ODAD2: variants seen among roughly 807,000 people sequenced by gnomAD.
The protein encoded by ODAD2 is outer dynein arm docking complex subunit 2, also known as outer dynein arm-docking complex subunit 2.
Under a neutral mutation model 106.8 loss-of-function variants are expected in ODAD2, and 89 were observed. The observed-to-expected ratio is 0.83, with a 90% CI of 0.70 to 0.99. The LOEUF is 0.99. Among genes scored for constraint, ODAD2 ranks in the 50% least tolerant of loss-of-function variants. ODAD2 has a pLI of 0.00. For missense variants in ODAD2, 1,168 were observed against 1,238.5 expected (o/e 0.94, Z 0.85); for synonymous variants, 404 against 436.2 (o/e 0.93, Z 0.92).
At chr10:27,979,912 C>T (rs34944477) in intron 7 of ODAD2, among the ~76,000 whole-genome samples, 35,917 of 151,886 alleles carry the variant, frequency 0.24, 4,364 homozygotes, top group Middle Eastern at 0.3. Context: ...CAAAACAGTA[C>T]TAAAAAACAA....
At chr10:27,975,124 T>A (rs1467358551) in intron 7 of ODAD2, among the ~76,000 whole-genome samples, 1 of 152,204 alleles carries the variant, frequency 6.6e-6, no homozygotes. Context: ...TGAAGTTGTT[T>A]ACCAGCTAAA....
chr10:27,897,880 G>A (rs1842955857), intron 17 of ODAD2, among the ~76,000 whole-genome samples: 1 of 152,034 alleles, frequency 6.6e-6, no homozygotes, highest in South Asian at 2.1e-4. Flanking sequence ...ATCTAGTTTA[G>A]ACCTTGGGGC....
intron 16 of ODAD2, among the ~76,000 whole-genome samples, chr10:27,928,594 T>C (rs1008535171): frequency 6.6e-6 from 1 of 152,164 alleles, no homozygotes; most frequent in African/African-American, 2.4e-5. Context: ...GGTGAGAGTT[T>C]AATGCGAATT....
intron 17 of ODAD2, among the ~76,000 whole-genome samples, chr10:27,863,987 T>C (rs1014696749): frequency 2.0e-5 from 3 of 152,126 alleles, no homozygotes; most frequent in Non-Finnish European, 4.4e-5. Context: ...GGAAAGCCCC[T>C]GAAGAGGCTG....
chr10:27,972,778 C>T (rs61344519), intron 7 of ODAD2, among the ~76,000 whole-genome samples: 5,122 of 151,942 alleles, frequency 0.034, 317 homozygotes, highest in African/African-American at 0.12. Flanking sequence ...AAACACAGAG[C>T]TAAAAGGAAA....
intron 1 of ODAD2, 93 bp from the exon 2 acceptor site, chr10:27,995,273 C>T (rs764634312): frequency 3.5e-5 from 45 of 1,284,182 alleles, no homozygotes; most frequent in Non-Finnish European, 4.6e-5. Context: ...TACTCCCCAT[C>T]CCACATTCTG....
At chr10:27,843,635 G>C (rs1166317431) in intron 19 of ODAD2, among the ~76,000 whole-genome samples, 2 of 152,100 alleles carry the variant, frequency 1.3e-5, no homozygotes, top group Non-Finnish European at 2.9e-5. Flanking sequence ...GGGTGTGGTG[G>C]CATGTGCCTG....
chr10:27,945,368 T>A (rs1219122830), intron 10 of ODAD2, among the ~76,000 whole-genome samples: 3 of 152,134 alleles, frequency 2.0e-5, no homozygotes, highest in Non-Finnish European at 4.4e-5. Flanking sequence ...CAGTCCGGAA[T>A]AGGGAGAACT....
intron 12 of ODAD2, among the ~76,000 whole-genome samples, chr10:27,941,596 G>GTTTTTTT (rs371752746): frequency 0.024 from 2,794 of 114,822 alleles, 100 homozygotes; most frequent in Non-Finnish European, 0.038. Context: ...CCAGCATCCA[G>GTTTTTTT]TTTTTTTTTT....
At position 27,990,221 on chromosome 10, in the gene ODAD2, C is replaced by G. The variant is rs1158509236; in HGVS notation, c.225-2678G>C. 2.0e-5 allele frequency among the ~76,000 whole-genome samples: 3 copies of G among 152,124 alleles called. No homozygotes were observed. In the East Asian group the frequency reaches 5.8e-4, roughly 29 times the overall value. ...GGAGTGCAGTGGCACAATCATAGCT[C>G]TCTGCAGCCTCGAACTCCTGGGCTC... On this transcript the variant is annotated intron_variant, in intron 2 of 19. Transcript: ENST00000305242.
intron 10 of ODAD2, among the ~76,000 whole-genome samples, chr10:27,960,663 T>A (rs1441992210): frequency 6.6e-5 from 10 of 152,168 alleles, no homozygotes; most frequent in Admixed American, 6.5e-4. Context: ...ATATTATTTA[T>A]TTTTAATTGA....
At chr10:27,830,922 T>C (rs1374543715) in intron 19 of ODAD2, among the ~76,000 whole-genome samples, 1 of 152,260 alleles carries the variant, frequency 6.6e-6, no homozygotes, top group Non-Finnish European at 1.5e-5. Flanking sequence ...TGTTTTTCTC[T>C]AGTACATCTT....
At chr10:27,885,931 C>A (rs1393799462) in intron 17 of ODAD2, among the ~76,000 whole-genome samples, 1 of 117,428 alleles carries the variant, frequency 8.5e-6, no homozygotes, top group African/African-American at 3.5e-5. Flanking sequence ...TTATATATAT[C>A]CAAACAAATT....
At chr10:27,912,115 T>A (rs1844053691) in intron 16 of ODAD2, among the ~76,000 whole-genome samples, 1 of 152,234 alleles carries the variant, frequency 6.6e-6, no homozygotes, top group Non-Finnish European at 1.5e-5. Context: ...GCATACACAC[T>A]GATGGGCTTA....
chr10:27,919,550 A>G (rs921380941), intron 16 of ODAD2, among the ~76,000 whole-genome samples: 3 of 152,150 alleles, frequency 2.0e-5, no homozygotes, highest in African/African-American at 7.2e-5. Flanking sequence ...AAAGATATGG[A>G]AAGTTACTCA....
intron 2 of ODAD2, among the ~76,000 whole-genome samples, chr10:27,992,639 T>C (rs988077062): frequency 6.6e-6 from 1 of 152,120 alleles, no homozygotes; most frequent in African/African-American, 2.4e-5. Flanking sequence ...CAGTGAGCTA[T>C]GATCACTCCA....
intron 16 of ODAD2, among the ~76,000 whole-genome samples, chr10:27,928,105 C>T (rs904267387): frequency 3.3e-5 from 5 of 152,032 alleles, no homozygotes; most frequent in Non-Finnish European, 7.4e-5. Context: ...AGGTGCCTAC[C>T]CTGATCATGG....
At chr10:27,837,302 AT>A (rs1837970022) in intron 19 of ODAD2, among the ~76,000 whole-genome samples, 1 of 152,210 alleles carries the variant, frequency 6.6e-6, no homozygotes, top group African/African-American at 2.4e-5. Flanking sequence ...CACTTCTTTG[AT>A]AAAGACAGTT....
chr10:27,994,776 T>A (rs1342198695), intron 2 of ODAD2, 143 bp downstream of exon 2: 1 of 817,578 alleles, frequency 1.2e-6, no homozygotes, highest in Non-Finnish European at 1.9e-6. Context: ...AGACTTCACC[T>A]GTGTGTCTCT....
Sources: allele counts gnomAD v4.1 joint callset (sites outside exome capture counted in the v4.1 genomes callset), GRCh38; gene constraint gnomAD v4.1.1; transcripts MANE v1.5; gene names NCBI Gene and HGNC (gene_info 2026-07-23, HGNC 2026-07-21).